The following EPN1 variants were observed in gnomAD, a reference collection of about 807,000 sequenced individuals.
The protein encoded by EPN1 is epsin-1.
EPN1 carries 25 observed loss-of-function variants against 56.9 expected under a neutral mutation model. That is an observed-to-expected ratio of 0.44 (90% confidence interval 0.32 to 0.61). The LOEUF (loss-of-function observed/expected upper bound fraction) is 0.61. Among genes scored for constraint, EPN1 ranks in the 20% least tolerant of loss-of-function variants. The pLI is 0.05. For missense variants in EPN1, 785 were observed against 823.7 expected, an observed-to-expected ratio of 0.95 and a Z score of 0.58; for synonymous variants, 411 against 361.8, an observed-to-expected ratio of 1.14 and a Z score of -1.54.
chr19:55,680,488 C>T (rs1020356323), intron 2 of EPN1, among the ~76,000 whole-genome samples: 2 of 152,226 alleles, frequency 1.3e-5, no homozygotes, highest in Non-Finnish European at 2.9e-5. Flanking sequence ...CACCCTGAAC[C>T]ACTGGTTCCT....
At chr19:55,683,572 C>G (rs1274667870) in intron 2 of EPN1, among the ~76,000 whole-genome samples, 1 of 152,158 alleles carries the variant, frequency 6.6e-6, no homozygotes, top group East Asian at 1.9e-4. Flanking sequence ...AGGCTGGTCT[C>G]GAACCCCTGA....
chr19:55,705,813 A>ATATATATATATACATATG lies in EPN1; in HGVS notation c.*10469_*10470insCATATGTATATATATATA, dbSNP rs1555793023. The ATATATATATATACATATG allele has an allele frequency of 3.9e-4, 49 of 124,738 alleles. 1 individual carries two copies. Among genetic ancestry groups the ATATATATATATACATATG allele is most frequent in the African/African-American group, 1.8e-3 (49 of 27,880 alleles). 7.7% of individuals were successfully genotyped at this position (124,738 alleles called of 1,614,324 possible). ...TGGAATATTTGTTGTTGTGGGATAT[A>ATATATATATATACATATG]TATATATATATATATTTAGAGTGTT... is the stretch of plus-strand genomic sequence containing the variant. On this transcript the variant is annotated 3_prime_UTR_variant, in exon 11 of 11. Transcript: ENST00000270460.
At chr19:55,679,526 G>A (rs534705028) in intron 2 of EPN1, among the ~76,000 whole-genome samples, 6 of 152,248 alleles carry the variant, frequency 3.9e-5, no homozygotes, top group Admixed American at 6.5e-5. Flanking sequence ...TTGCGGTCCC[G>A]TCGGCAAGCA....
rs774429557 is a variant in EPN1 at position 55,678,478 on chromosome 19, G to A, written c.-101-49G>A. On this transcript the variant is annotated intron_variant, in intron 1 of 10. Coordinates refer to ENST00000270460, the MANE Select transcript of EPN1 (RefSeq NM_001130072.2). ...CTCATCTTTGACCCTGAGGGCTCTGGGCAGGCCATGTCCCATTTGTGTTTC... is the reference window on the plus strand; with the variant it reads ...CTCATCTTTGACCCTGAGGGCTCTGAGCAGGCCATGTCCCATTTGTGTTTC... 7.4e-6 allele frequency: 11 copies of A among 1,494,478 alleles called. No homozygotes were observed. In the Admixed American group the frequency reaches 1.2e-4, roughly 17 times the overall value. 92.6% of individuals were successfully genotyped at this position (1,494,478 alleles called of 1,614,324 possible).
intron 8 of EPN1, 63 bp from the exon 9 acceptor site, chr19:55,692,888 C>G: frequency 1.3e-5 from 21 of 1,598,938 alleles, no homozygotes; most frequent in Non-Finnish European, 1.8e-5. Flanking sequence ...GACGCCTGGA[C>G]TGGAGGTGGG....
intron 6 of EPN1, among the ~76,000 whole-genome samples, chr19:55,690,514 C>T (rs750636571): frequency 4.6e-5 from 7 of 152,248 alleles, no homozygotes; most frequent in Non-Finnish European, 1.0e-4. Context: ...CTGGTTGTTT[C>T]GTGTCATGGC....
chr19:55,690,424 C>T (rs1434828986), intron 6 of EPN1, among the ~76,000 whole-genome samples: 2 of 152,280 alleles, frequency 1.3e-5, no homozygotes, highest in East Asian at 3.8e-4. Flanking sequence ...TCCCCATGCT[C>T]TGCAGCTGAG....
chr19:55,684,620 G>A (rs912696390), intron 2 of EPN1, among the ~76,000 whole-genome samples: 3 of 152,120 alleles, frequency 2.0e-5, no homozygotes, highest in Non-Finnish European at 4.4e-5. Flanking sequence ...AAGAGAGCCC[G>A]GGCCTACACA....
rs1317508478 is a variant in EPN1, at chr19:55,691,506, G to C, written c.763-248G>C. Among the ~76,000 whole-genome samples the C allele has an allele frequency of 6.6e-6, 1 of 152,000 alleles. No homozygotes were observed. The highest frequency in any genetic ancestry group is 1.9e-4 in the East Asian group (1 of 5,160). ...GAGAATGGATGTGGGGCAGGAGTGGGGCTGTGTTGGGGCTCCCTGGTGGTA... is the reference window on the plus strand; with the variant it reads ...GAGAATGGATGTGGGGCAGGAGTGGCGCTGTGTTGGGGCTCCCTGGTGGTA... On this transcript the variant is annotated intron_variant, in intron 6 of 10. Coordinates refer to ENST00000270460, the MANE Select transcript of EPN1 (RefSeq NM_001130072.2). This position sits in a 1 kb window ranked among gnomAD's most constrained non-coding sequence, Gnocchi z 5.6.
At chr19:55,677,142 C>T in intron 1 of EPN1, 2 of 1,551,398 alleles carry the variant, frequency 1.3e-6, no homozygotes, top group South Asian at 2.4e-5. Flanking sequence ...CTTTGAAAAT[C>T]TCCCTCTGTG....
rs953691299 is a variant in EPN1, at chr19:55,709,273, A to T, written c.*13917A>T. 1 of 300,684 alleles carries T rather than the reference A, an allele frequency of 3.3e-6. No individual in the cohort carries two copies. Among genetic ancestry groups the T allele is most frequent in the Non-Finnish European group, 6.1e-6 (1 of 164,986 alleles). The allele number at this position is 300,684 out of a possible 1,614,324, so 18.6% of individuals were successfully genotyped here. On this transcript the variant is annotated 3_prime_UTR_variant, in exon 11 of 11. Coordinates refer to ENST00000270460, the MANE Select transcript of EPN1 (RefSeq NM_001130072.2). ...ATACAGGATGTATCAATTAAGATTT[A>T]ATTCAAAAAAGATGAATTTAAGTTA... is the stretch of plus-strand genomic sequence containing the variant.
intron 3 of EPN1, 118 bp from the exon 4 acceptor site, chr19:55,688,752 A>G (rs974469747): frequency 1.1e-5 from 15 of 1,395,864 alleles, no homozygotes; most frequent in African/African-American, 1.5e-5. Context: ...CAGAGGTTGT[A>G]GGGTGGGGGA....
intron 2 of EPN1, among the ~76,000 whole-genome samples, 180 bp downstream of exon 2, chr19:55,679,035 G>A (rs2122161901): frequency 6.6e-6 from 1 of 152,364 alleles, no homozygotes; most frequent in Non-Finnish European, 1.5e-5. Flanking sequence ...TTGGAGCCTT[G>A]TGGTTAAAAT....
In EPN1 at chr19:55,697,721, C is replaced by G; in HGVS notation, c.*2365C>G. 6.6e-6 allele frequency: 1 copy of G among 152,134 alleles called. No individual in the cohort carries two copies. The highest frequency in any genetic ancestry group is 1.5e-5 in the Non-Finnish European group (1 of 68,030). The allele number at this position is 152,134 out of a possible 1,614,324, so 9.4% of individuals were successfully genotyped here. ...TCCTCTTTCTAGAATATTCCAGCCA[C>G]CAAAGTGCTCAGCAGGAGCTGCTGT... On this transcript the variant is annotated 3_prime_UTR_variant, in exon 11 of 11. Coordinates refer to ENST00000270460, the MANE Select transcript of EPN1 (RefSeq NM_001130072.2).
chr19:55,678,759 C>T lies in EPN1; in HGVS notation c.132C>T (p.Ala44=), dbSNP rs762662519. Residue 44 remains alanine (A), a synonymous_variant, in exon 2 of 11, where the codon GCC becomes GCT. Coordinates refer to ENST00000270460, the MANE Select transcript of EPN1 (RefSeq NM_001130072.2). ...GPSSSLMSEI[A]DLTYNVVAFS... is the part of the protein sequence containing the mutation. ...CCAGCTCCCTCATGTCAGAGATTGC[C>T]GACCTCACCTACAACGTTGTCGCCT... is the stretch of plus-strand genomic sequence containing the variant. The T allele has an allele frequency of 1.0e-4, 166 of 1,614,020 alleles. No individual in the cohort carries two copies. The Middle Eastern group carries it at 1.3e-3, about 13-fold the overall frequency.
At position 55,690,719 on chromosome 19, in the gene EPN1, T is replaced by C. The variant is rs182311842; in HGVS notation, c.762+769T>C. On this transcript the variant is annotated intron_variant, in intron 6 of 10. Coordinates refer to ENST00000270460, the MANE Select transcript of EPN1 (RefSeq NM_001130072.2). ...TCGTCAGCCTGTGCACTGCTATTGG[T>C]CTCAGCAGGTCCTGAGGCCAGCCCA... Among the ~76,000 whole-genome samples the C allele has an allele frequency of 2.5e-3, 377 of 152,272 alleles. 1 individual carries two copies. Among genetic ancestry groups the C allele is most frequent in the Non-Finnish European group, 4.4e-3 (299 of 68,014 alleles).
chr19:55,681,755 GGTT>G (rs1472679665), intron 2 of EPN1, among the ~76,000 whole-genome samples: 1 of 151,760 alleles, frequency 6.6e-6, no homozygotes, highest in East Asian at 1.9e-4. Flanking sequence ...ACTGCTTTTT[GGTT>G]GTTTTCAGAA....
intron 1 of EPN1, chr19:55,677,290 G>A: frequency 1.1e-6 from 1 of 912,494 alleles, no homozygotes; most frequent in East Asian, 2.6e-5. Context: ...TATGAATCAT[G>A]GGGTTGTTTC....
At position 55,691,686 on chromosome 19, in the gene EPN1, C is replaced by G; in HGVS notation, c.763-68C>G. ...CTGGCCGCCTCCCCCGCCACGGGCC[C>G]CAGCTTGGTCCCTGTCCCAGGCTTC... On this transcript the variant is annotated intron_variant, in intron 6 of 10. Transcript: ENST00000270460. This position sits in a 1 kb window ranked among gnomAD's most constrained non-coding sequence, Gnocchi z 5.6. 1 of 1,482,466 alleles carries G rather than the reference C, an allele frequency of 6.7e-7. No individual in the cohort carries two copies. Among genetic ancestry groups the G allele is most frequent in the Non-Finnish European group, 9.3e-7 (1 of 1,078,556 alleles). 91.8% of individuals were successfully genotyped at this position (1,482,466 alleles called of 1,614,324 possible).
Sources: gnomAD v4.1 joint callset for allele counts (sites outside exome capture counted in the v4.1 genomes callset) on GRCh38, gnomAD v4.1.1 for gene constraint, Gnocchi (gnomAD v3.1) non-coding constraint, MANE v1.5 for transcripts, NCBI Gene and HGNC (gene_info 2026-07-23, HGNC 2026-07-21) for gene names.